ADGRA1: variants seen among roughly 807,000 people sequenced by gnomAD.
ADGRA1 encodes adhesion G protein-coupled receptor A1, also known as G-protein coupled receptor 123.
A neutral mutation model predicts 21.3 loss-of-function variants in ADGRA1; 12 were observed. That is an observed-to-expected ratio of 0.56 (90% confidence interval 0.36 to 0.91). The LOEUF (loss-of-function observed/expected upper bound fraction) is 0.91, where lower values mean the gene tolerates loss of function less well. Ranked by LOEUF, ADGRA1 falls within the 40% of genes least tolerant of loss-of-function variation. The pLI, the probability that ADGRA1 is intolerant of heterozygous loss-of-function variation, is 0.01. For missense variants in ADGRA1, 790 were observed against 805.6 expected, an observed-to-expected ratio of 0.98 and a Z score of 0.23; for synonymous variants, 385 against 368.8, an observed-to-expected ratio of 1.04 and a Z score of -0.50.
chr10:133,100,897 G>T (rs1212511266), intron 4 of ADGRA1, among the ~76,000 whole-genome samples: 1 of 152,194 alleles, frequency 6.6e-6, no homozygotes, highest in Non-Finnish European at 1.5e-5. Flanking sequence ...GACGCGTGAC[G>T]CCAGGCTCGG....
chr10:133,129,774 A>C lies in ADGRA1; in HGVS notation c.*263A>C. 1 of 448,742 alleles carries C rather than the reference A, an allele frequency of 2.2e-6. No individual in the cohort carries two copies. Among genetic ancestry groups the C allele is most frequent in the East Asian group, 3.4e-5 (1 of 29,488 alleles). 27.8% of individuals were successfully genotyped at this position (448,742 alleles called of 1,614,324 possible). On this transcript the variant is annotated 3_prime_UTR_variant, in exon 7 of 7. Coordinates refer to ENST00000392607, the MANE Select transcript of ADGRA1 (RefSeq NM_001083909.3). ...GGCCACGCCCACTCCCCTTATCCCA[A>C]TTCCGCGTGCTGGTCCCGCACACGG...
At chr10:133,095,719 G>T in intron 2 of ADGRA1, 1 of 1,598,326 alleles carries the variant, frequency 6.3e-7, no homozygotes, top group Non-Finnish European at 8.5e-7. Context: ...CGGACAAGAA[G>T]TGTGGCCTCA....
At chr10:133,125,205 T>C (rs2135908991) in intron 5 of ADGRA1, among the ~76,000 whole-genome samples, 1 of 152,352 alleles carries the variant, frequency 6.6e-6, no homozygotes, top group Middle Eastern at 3.4e-3. Context: ...TCCAGAAGCT[T>C]ACTATCTATT....
intron 2 of ADGRA1, chr10:133,095,841 TCACTCAGCCGGAGC>T: frequency 6.4e-7 from 1 of 1,558,798 alleles, no homozygotes; most frequent in Non-Finnish European, 8.7e-7. Context: ...ACTTCCCGCC[TCACTCAGCCGGAGC>T]CATCCCAGAG....
At chr10:133,127,820 T>A (rs1392678688) in intron 6 of ADGRA1, among the ~76,000 whole-genome samples, 2 of 34,502 alleles carry the variant, frequency 5.8e-5, no homozygotes, top group Non-Finnish European at 1.1e-4. Flanking sequence ...CACCTCCGCC[T>A]GGCCCCGCCC....
chr10:133,092,485 G>A (rs932755935), intron 2 of ADGRA1, among the ~76,000 whole-genome samples: 21 of 152,064 alleles, frequency 1.4e-4, no homozygotes, highest in African/African-American at 3.6e-4. Context: ...ACGTAATGCC[G>A]ACTATGGGTC....
Position 133,102,769 on chromosome 10 carries a change from A to G in ADGRA1, c.328A>G (p.Lys110Glu), listed in dbSNP as rs1851819785. The change falls in exon 5 of 7, where the codon AAG becomes GAG. Residue 110 changes from lysine to glutamate, a missense_variant. Coordinates refer to ENST00000392607, the MANE Select transcript of ADGRA1 (RefSeq NM_001083909.3). ...WIGVTARNIYKQVTKKAPLCL... is the reference protein window; with the variant it reads ...WIGVTARNIYEQVTKKAPLCL... The stretch of plus-strand genomic sequence containing the variant: ...AGGAGTGACCGCCAGGAACATCTAC[A>G]AGCAGGTGACCAAGAAGGCCCCTCT... The G allele has an allele frequency of 2.5e-6, 4 of 1,612,698 alleles. No individual in the cohort carries two copies. Among genetic ancestry groups the G allele is most frequent in the Non-Finnish European group, 3.4e-6 (4 of 1,179,852 alleles).
At chr10:133,111,183 C>CA (rs371611830) in intron 5 of ADGRA1, among the ~76,000 whole-genome samples, 1,304 of 30,358 alleles carry the variant, frequency 0.043, 310 homozygotes, top group African/African-American at 0.067. Context: ...CCGTGAGCAC[C>CA]TCCCTCCTAA....
At chr10:133,124,682 G>T (rs1235782586) in intron 5 of ADGRA1, among the ~76,000 whole-genome samples, 1 of 152,264 alleles carries the variant, frequency 6.6e-6, no homozygotes, top group Non-Finnish European at 1.5e-5. Context: ...CCCCTACCCT[G>T]GTTGGGGCTT....
chr10:133,115,748 GCAAGCC>G (rs1290774440), intron 5 of ADGRA1, among the ~76,000 whole-genome samples: 1 of 152,124 alleles, frequency 6.6e-6, no homozygotes, highest in Non-Finnish European at 1.5e-5. Flanking sequence ...CACACCGGCT[GCAAGCC>G]TCCAACCCTC....
chr10:133,094,030 G>T (rs903235896), intron 2 of ADGRA1, among the ~76,000 whole-genome samples: 1 of 152,254 alleles, frequency 6.6e-6, no homozygotes, highest in African/African-American at 2.4e-5. Context: ...GTTGACACAC[G>T]GATCATTGCA....
At position 133,112,421 on chromosome 10, in the gene ADGRA1, G is replaced by A. The variant is rs974272735; in HGVS notation, c.401+9579G>A. Among the ~76,000 whole-genome samples the A allele has an allele frequency of 3.0e-4, 37 of 124,130 alleles. 1 individual carries two copies. Among genetic ancestry groups the A allele is most frequent in the African/African-American group, 6.2e-4 (21 of 33,650 alleles). 81.4% of individuals were successfully genotyped at this position (124,130 alleles called of 152,430 possible). On this transcript the variant is annotated intron_variant, in intron 5 of 6. Coordinates refer to ENST00000392607, the MANE Select transcript of ADGRA1 (RefSeq NM_001083909.3). Reference sequence around the variant, plus strand: ...GCCGCGTCCGTTATTTGGGGTCTGCGGGCCATGTCGGTTATTTGGGGTCTA... The same window carrying A: ...GCCGCGTCCGTTATTTGGGGTCTGCAGGCCATGTCGGTTATTTGGGGTCTA...
At chr10:133,113,720 A>G (rs897082361) in intron 5 of ADGRA1, among the ~76,000 whole-genome samples, 6 of 110,832 alleles carry the variant, frequency 5.4e-5, no homozygotes, top group Non-Finnish European at 8.3e-5. Flanking sequence ...ACTTCCAAGA[A>G]TGTGGGTTCA....
rs1852476546 is a variant in ADGRA1, at chr10:133,129,715, T to TCCTTGTGATCACACCCCTGCC, written c.*212_*213insTCACACCCCTGCCCCTTGTGA. On this transcript the variant is annotated 3_prime_UTR_variant, in exon 7 of 7. Transcript: ENST00000392607. ...TCCTTGTGATCACACCCCTGCCCCT[T>TCCTTGTGATCACACCCCTGCC]CCTTGTGAAAGACCTCAGCGGGGAA... The TCCTTGTGATCACACCCCTGCC allele has an allele frequency of 2.3e-6, 1 of 428,264 alleles. No individual in the cohort carries two copies. Among genetic ancestry groups the TCCTTGTGATCACACCCCTGCC allele is most frequent in the Non-Finnish European group, 4.2e-6 (1 of 238,776 alleles). The allele number at this position is 428,264 out of a possible 1,614,324, so 26.5% of individuals were successfully genotyped here.
intron 5 of ADGRA1, among the ~76,000 whole-genome samples, chr10:133,108,620 C>T (rs753644432): frequency 9.2e-5 from 14 of 152,142 alleles, no homozygotes; most frequent in Non-Finnish European, 1.8e-4. Context: ...CCTCCCAATA[C>T]TCTCAAGATT....
chr10:133,110,687 T>C (rs1851972577), intron 5 of ADGRA1, among the ~76,000 whole-genome samples: 2 of 152,226 alleles, frequency 1.3e-5, no homozygotes, highest in Non-Finnish European at 2.9e-5. Context: ...TTATGCACCC[T>C]GAGCTGACCC....
At position 133,124,835 on chromosome 10, in the gene ADGRA1, GCCCCGGCCCCGGC is replaced by G. The variant is rs1420076734; in HGVS notation, c.402-2394_402-2382del. 5.1e-5 allele frequency among the ~76,000 whole-genome samples: 5 copies of G among 98,984 alleles called. No homozygotes were observed. The Admixed American group carries it at 6.2e-4, about 12-fold the overall frequency. The allele number at this position is 98,984 out of a possible 152,430, so 64.9% of individuals were successfully genotyped here. On this transcript the variant is annotated intron_variant, in intron 5 of 6. Coordinates refer to ENST00000392607, the MANE Select transcript of ADGRA1 (RefSeq NM_001083909.3). Reference sequence around the variant, plus strand: ...CCCAGCGGAGCACCCCCTTCCCCCGGCCCCGGCCCCGGCCCCGGCCCCGCGCCTGCACGTCCAC... The same window carrying G: ...CCCAGCGGAGCACCCCCTTCCCCCGGCCCGGCCCCGCGCCTGCACGTCCAC...
At chr10:133,100,991 G>T (rs1327745071) in intron 4 of ADGRA1, among the ~76,000 whole-genome samples, 1 of 152,242 alleles carries the variant, frequency 6.6e-6, no homozygotes, top group Non-Finnish European at 1.5e-5. Context: ...GCTCCCCGAT[G>T]AACTGTCTGC....
At chr10:133,127,156 A>C (rs1852390655) in intron 5 of ADGRA1, 77 bp from the exon 6 acceptor site, 1 of 885,166 alleles carries the variant, frequency 1.1e-6, no homozygotes, top group Non-Finnish European at 1.6e-6. Flanking sequence ...TGCCCCGCGG[A>C]GTGGGGGAGG....
Sources: allele counts gnomAD v4.1 joint callset (sites outside exome capture counted in the v4.1 genomes callset), GRCh38; gene constraint gnomAD v4.1.1; transcripts MANE v1.5; gene names NCBI Gene and HGNC (gene_info 2026-07-23, HGNC 2026-07-21).